Variants in PAK5 observed in about 807,000 individuals in gnomAD.
PAK5 encodes serine/threonine-protein kinase PAK 5.
Under a neutral mutation model 65.9 loss-of-function variants are expected in PAK5, and 16 were observed. The ratio of observed to expected loss-of-function variants is 0.24; its 90% CI spans 0.16 to 0.37. PAK5 has a LOEUF of 0.37. Among genes scored for constraint, PAK5 ranks in the 10% least tolerant of loss-of-function variants. The pLI is 1.00. For synonymous variants in PAK5, 371 were observed against 354.9 expected (o/e 1.05, Z -0.51); for missense variants, 785 against 903.9 (o/e 0.87, Z 1.69).
chr20:9,695,671 A>G (rs2047859314), intron 2 of PAK5, among the ~76,000 whole-genome samples: 1 of 152,070 alleles, frequency 6.6e-6, no homozygotes. Context: ...TATCTATTGA[A>G]GGAATCTTCC....
chr20:9,671,794 A>G (rs1467855148), intron 2 of PAK5, among the ~76,000 whole-genome samples: 1 of 152,018 alleles, frequency 6.6e-6, no homozygotes, highest in Non-Finnish European at 1.5e-5. Context: ...TGCCCTGGCC[A>G]GAACTTCCAA....
At chr20:9,542,300 G>A (rs2045277584) in intron 9 of PAK5, among the ~76,000 whole-genome samples, 1 of 152,206 alleles carries the variant, frequency 6.6e-6, no homozygotes, top group South Asian at 2.1e-4. Context: ...CTGAATGAAT[G>A]AGTATGGCAT....
In PAK5 at chr20:9,838,057, T is replaced by G. The variant is rs1979292438; in HGVS notation, c.-162+705A>C. The stretch of plus-strand genomic sequence containing the variant: ...CCCTGGACTTCTCAAGTTTACCCTC[T>G]AGGAGGCTGACATGGCACACAATTT... On this transcript the variant is annotated intron_variant, in intron 1 of 9. Transcript: ENST00000353224. This position sits in a 1 kb window ranked among gnomAD's most constrained non-coding sequence, Gnocchi z 4.5. Among the ~76,000 whole-genome samples the G allele has an allele frequency of 6.6e-6, 1 of 152,036 alleles. No homozygotes were observed. Among genetic ancestry groups the G allele is most frequent in the Non-Finnish European group, 1.5e-5 (1 of 67,990 alleles).
At chr20:9,675,434 T>C (rs1002961748) in intron 2 of PAK5, among the ~76,000 whole-genome samples, 4 of 152,196 alleles carry the variant, frequency 2.6e-5, no homozygotes, top group African/African-American at 7.2e-5. Context: ...TAGGTGCTTT[T>C]AAATATTTGT....
At chr20:9,560,889 C>T (rs1283971312) in intron 6 of PAK5, among the ~76,000 whole-genome samples, 2 of 152,082 alleles carry the variant, frequency 1.3e-5, no homozygotes, top group African/African-American at 2.4e-5. Context: ...TAAGAAATAC[C>T]TGAGTATTTG....
intron 1 of PAK5, among the ~76,000 whole-genome samples, chr20:9,736,999 A>G (rs533845135): frequency 1.3e-5 from 2 of 152,258 alleles, no homozygotes; most frequent in East Asian, 3.9e-4. Flanking sequence ...GTAGAGCTAA[A>G]TCTTTACTGA....
Position 9,728,414 on chromosome 20 carries a change from CAG to C in PAK5, c.-161-16981_-161-16980del, listed in dbSNP as rs1368080390. 8.5e-5 allele frequency among the ~76,000 whole-genome samples: 13 copies of C among 152,260 alleles called. No individual in the cohort carries two copies. The East Asian group carries it at 2.3e-3, about 27-fold the overall frequency. On this transcript the variant is annotated intron_variant, in intron 1 of 9. Coordinates refer to ENST00000353224, the MANE Select transcript of PAK5 (RefSeq NM_177990.4). ...GGGTGTCATTAACTGTAGGTTCTCT[CAG>C]AGTTAGGAAATATACATATGTGTAC...
chr20:9,691,622 A>G (rs1184635828), intron 2 of PAK5, among the ~76,000 whole-genome samples: 1 of 152,262 alleles, frequency 6.6e-6, no homozygotes, highest in East Asian at 1.9e-4. Context: ...AGTCACGTTT[A>G]TTTATAATAA....
At chr20:9,560,326 C>A (rs765588067) in intron 6 of PAK5, among the ~76,000 whole-genome samples, 1 of 152,148 alleles carries the variant, frequency 6.6e-6, no homozygotes, top group Non-Finnish European at 1.5e-5. Context: ...CAAATCCTGG[C>A]TGTATCAGTT....
At chr20:9,707,341 C>T (rs1346557313) in intron 2 of PAK5, among the ~76,000 whole-genome samples, 2 of 152,082 alleles carry the variant, frequency 1.3e-5, no homozygotes, top group African/African-American at 2.4e-5. Flanking sequence ...AACTCCTGGA[C>T]CCAAGTGATC....
At chr20:9,751,264 T>A (rs1171250377) in intron 1 of PAK5, among the ~76,000 whole-genome samples, 2 of 152,148 alleles carry the variant, frequency 1.3e-5, no homozygotes, top group African/African-American at 4.8e-5. Context: ...ATGCTTTCCA[T>A]CTCGGGAGAG....
At chr20:9,749,034 A>C (rs1348828057) in intron 1 of PAK5, among the ~76,000 whole-genome samples, 1 of 147,136 alleles carries the variant, frequency 6.8e-6, no homozygotes, top group Admixed American at 6.8e-5. Context: ...CTTTAGTTTA[A>C]ATTTATTGTG....
At chr20:9,570,922 A>C (rs2045769961) in intron 4 of PAK5, among the ~76,000 whole-genome samples, 2 of 152,218 alleles carry the variant, frequency 1.3e-5, no homozygotes, top group Admixed American at 6.5e-5. Context: ...ATATGACATA[A>C]AGAAGAAGCC....
At chr20:9,589,641 A>G (rs929985456) in intron 3 of PAK5, among the ~76,000 whole-genome samples, 1 of 152,168 alleles carries the variant, frequency 6.6e-6, no homozygotes, top group Non-Finnish European at 1.5e-5. Flanking sequence ...AATCTTAATC[A>G]CATGGAATCC....
chr20:9,674,442 T>C (rs1052927450), intron 2 of PAK5, among the ~76,000 whole-genome samples: 2 of 152,330 alleles, frequency 1.3e-5, no homozygotes, highest in African/African-American at 4.8e-5. Flanking sequence ...ACAAGCTTTC[T>C]TATATGTTTC....
At chr20:9,779,953 C>T (rs757603591) in intron 1 of PAK5, among the ~76,000 whole-genome samples, 13 of 151,970 alleles carry the variant, frequency 8.6e-5, no homozygotes, top group South Asian at 2.1e-4. Context: ...TTCTAATACA[C>T]GTATCCTATA....
At chr20:9,590,664 G>C (rs1362238282) in intron 3 of PAK5, among the ~76,000 whole-genome samples, 1 of 151,798 alleles carries the variant, frequency 6.6e-6, no homozygotes, top group African/African-American at 2.4e-5. Context: ...AGCTGAATGT[G>C]GTTTCTTAGA....
At chr20:9,572,181 AT>A (rs1349959298) in intron 4 of PAK5, among the ~76,000 whole-genome samples, 2 of 151,490 alleles carry the variant, frequency 1.3e-5, no homozygotes, top group Non-Finnish European at 1.5e-5. Flanking sequence ...ATCATTCATC[AT>A]TTTCCTTTTT....
chr20:9,787,756 T>C (rs1389403105), intron 1 of PAK5, among the ~76,000 whole-genome samples: 1 of 151,988 alleles, frequency 6.6e-6, no homozygotes, highest in Non-Finnish European at 1.5e-5. Flanking sequence ...GGAATAGATA[T>C]GCAGTAGACA....
Sources: gnomAD v4.1 joint callset for allele counts (sites outside exome capture counted in the v4.1 genomes callset) on GRCh38, gnomAD v4.1.1 for gene constraint, Gnocchi (gnomAD v3.1) non-coding constraint, MANE v1.5 for transcripts, NCBI Gene and HGNC (gene_info 2026-07-23, HGNC 2026-07-21) for gene names.